STRAP: variants seen among roughly 807,000 people sequenced by gnomAD.
STRAP encodes the protein serine/threonine kinase receptor associated protein, also known as serine-threonine kinase receptor-associated protein.
A neutral mutation model predicts 47.0 loss-of-function variants in STRAP; 16 were observed. The observed-to-expected ratio is 0.34, with a 90% confidence interval of 0.23 to 0.52. The LOEUF is 0.52. Ranked by LOEUF, STRAP falls within the 20% of genes least tolerant of loss-of-function variation. STRAP has a pLI of 0.96. For missense variants in STRAP, 293 were observed against 420.0 expected (o/e 0.70, Z 2.64); for synonymous variants, 130 against 142.7 (o/e 0.91, Z 0.63).
At chr12:15,893,692 A>C (rs1338651589) in intron 4 of STRAP, among the ~76,000 whole-genome samples, 2 of 148,080 alleles carry the variant, frequency 1.4e-5, no homozygotes, top group South Asian at 4.2e-4. Context: ...TAATGCTTTT[A>C]TATTTATTAT....
At chr12:15,889,119 T>A (rs1037138416) in intron 2 of STRAP, among the ~76,000 whole-genome samples, 46 of 152,186 alleles carry the variant, frequency 3.0e-4, no homozygotes, top group African/African-American at 1.1e-3. Context: ...ATCAACTTTT[T>A]TTTCCCCCTT....
At chr12:15,900,528 A>T (rs937626304) in intron 8 of STRAP, among the ~76,000 whole-genome samples, 2 of 152,134 alleles carry the variant, frequency 1.3e-5, no homozygotes, top group Non-Finnish European at 2.9e-5. Flanking sequence ...CTCAAAAAAA[A>T]AAAAAAGAAA....
At chr12:15,898,086 A>C in intron 7 of STRAP, 68 bp downstream of exon 7, 71 of 1,321,440 alleles carry the variant, frequency 5.4e-5, no homozygotes, top group Non-Finnish European at 6.9e-5. Flanking sequence ...TTAACACCTC[A>C]TTTATATATA....
chr12:15,891,404 T>TA (rs1591985804), intron 4 of STRAP, among the ~76,000 whole-genome samples: 2 of 152,242 alleles, frequency 1.3e-5, no homozygotes, highest in Admixed American at 1.3e-4. Flanking sequence ...AATCTGCAGT[T>TA]ACAGTTTTTT....
chr12:15,887,123 A>T lies in STRAP; in HGVS notation c.249-2805A>T, dbSNP rs1343704587. On this transcript the variant is annotated intron_variant, in intron 2 of 9. Transcript: ENST00000419869. This position sits in a 1 kb window ranked among gnomAD's most constrained non-coding sequence, Gnocchi z 5.5. Reference sequence around the variant, plus strand: ...TTTAATAAGGTTCTTGATAAATCGAAAATGGTATTATCTCCTAGATGACTT... The same window carrying T: ...TTTAATAAGGTTCTTGATAAATCGATAATGGTATTATCTCCTAGATGACTT... Among the ~76,000 whole-genome samples the T allele has an allele frequency of 6.6e-6, 1 of 152,206 alleles. No individual in the cohort carries two copies. The highest frequency in any genetic ancestry group is 6.5e-5 in the Admixed American group (1 of 15,290).
At chr12:15,892,571 A>C (rs1025308775) in intron 4 of STRAP, among the ~76,000 whole-genome samples, 2 of 152,178 alleles carry the variant, frequency 1.3e-5, no homozygotes, top group Non-Finnish European at 2.9e-5. Context: ...ACCACATTGG[A>C]AATTAAGCGG....
Position 15,887,693 on chromosome 12 carries a change from A to G in STRAP, c.249-2235A>G, listed in dbSNP as rs1947983218. Among the ~76,000 whole-genome samples the G allele has an allele frequency of 6.6e-6, 1 of 152,198 alleles. No homozygotes were observed. Among genetic ancestry groups the G allele is most frequent in the African/African-American group, 2.4e-5 (1 of 41,450 alleles). ...CAACTCTCTTCTCACCTTTGAATAG[A>G]CACAGTCTAAGCAGAATCTTAAGAT... On this transcript the variant is annotated intron_variant, in intron 2 of 9. Transcript: ENST00000419869. The surrounding 1 kb of genome is among the most constrained non-coding windows in gnomAD (Gnocchi z 5.5).
chr12:15,891,421 A>G (rs559474324), intron 4 of STRAP, among the ~76,000 whole-genome samples: 18 of 152,318 alleles, frequency 1.2e-4, no homozygotes, highest in South Asian at 8.3e-4. Flanking sequence ...TTTTCATTTC[A>G]CTAAATAGTC....
Position 15,894,210 on chromosome 12 carries a change from A to G in STRAP, c.500+67A>G. The G allele has an allele frequency of 7.4e-7, 1 of 1,352,032 alleles. No individual in the cohort carries two copies. Among genetic ancestry groups the G allele is most frequent in the South Asian group, 1.2e-5 (1 of 84,458 alleles). The allele number at this position is 1,352,032 out of a possible 1,614,324, so 83.8% of individuals were successfully genotyped here. On this transcript the variant is annotated intron_variant, in intron 5 of 9. Transcript: ENST00000419869. The surrounding 1 kb of genome is among the most constrained non-coding windows in gnomAD (Gnocchi z 4.9). Reference sequence around the variant, plus strand: ...CATGGTGGCTCACGCCTATAATCTCAGCACTTTGGGAGGCGAGCCGGGTGG... The same window carrying G: ...CATGGTGGCTCACGCCTATAATCTCGGCACTTTGGGAGGCGAGCCGGGTGG...
intron 4 of STRAP, among the ~76,000 whole-genome samples, chr12:15,893,594 T>G (rs1186661017): frequency 6.8e-6 from 1 of 147,566 alleles, no homozygotes; most frequent in Non-Finnish European, 1.5e-5. Context: ...TTTTATATTA[T>G]ACAATAATAT....
chr12:15,887,055 CTCTT>C lies in STRAP; in HGVS notation c.249-2864_249-2861del, dbSNP rs138126547. 9.1e-3 allele frequency among the ~76,000 whole-genome samples: 1,393 copies of C among 152,276 alleles called. 20 individuals are homozygous for C. The highest frequency in any genetic ancestry group is 0.032 in the African/African-American group (1,330 of 41,544). On this transcript the variant is annotated intron_variant, in intron 2 of 9. Transcript: ENST00000419869. The surrounding 1 kb of genome is among the most constrained non-coding windows in gnomAD (Gnocchi z 5.5). ...ATTTATAGGTAATCACAATGTATCA[CTCTT>C]TCTTTCTTGTAAAGCCAATAGAAAT...
chr12:15,891,682 CCT>C (rs1368456493), intron 4 of STRAP, among the ~76,000 whole-genome samples: 1 of 152,196 alleles, frequency 6.6e-6, no homozygotes, highest in Non-Finnish European at 1.5e-5. Flanking sequence ...GTGGCTCACG[CCT>C]GTAATCCCAG....
chr12:15,885,195 T>G (rs1181836257), intron 2 of STRAP, among the ~76,000 whole-genome samples: 6 of 149,530 alleles, frequency 4.0e-5, no homozygotes, highest in African/African-American at 7.5e-5. Flanking sequence ...TTTTTTTTTT[T>G]TTTTTTTTTT....
At chr12:15,882,964 G>A in intron 1 of STRAP, 145 bp downstream of exon 1, 3 of 1,353,930 alleles carry the variant, frequency 2.2e-6, no homozygotes, top group Non-Finnish European at 2.0e-6. Flanking sequence ...ACACTGGTCC[G>A]GTGGAGAAAG....
At chr12:15,902,844 T>C in intron 9 of STRAP, 73 bp from the exon 10 acceptor site, 3 of 1,443,688 alleles carry the variant, frequency 2.1e-6, no homozygotes, top group South Asian at 2.9e-5. Flanking sequence ...TACACAGAAA[T>C]GTAGATTTGC....
At chr12:15,889,887 G>C (rs1948000522) in intron 2 of STRAP, 41 bp from the exon 3 acceptor site, 24 of 1,482,898 alleles carry the variant, frequency 1.6e-5, no homozygotes, top group Non-Finnish European at 2.3e-5. Context: ...TAATATATTG[G>C]GTAATATTTA....
chr12:15,886,759 C>G (rs1591983618), intron 2 of STRAP, among the ~76,000 whole-genome samples: 1 of 152,038 alleles, frequency 6.6e-6, no homozygotes, highest in African/African-American at 2.4e-5. Context: ...TTTTTTCCCT[C>G]CATTCTTACG....
At chr12:15,892,969 G>T (rs1948029244) in intron 4 of STRAP, among the ~76,000 whole-genome samples, 1 of 152,130 alleles carries the variant, frequency 6.6e-6, no homozygotes, top group African/African-American at 2.4e-5. Flanking sequence ...TGTGTATCGG[G>T]TATCTGTTAA....
At position 15,894,675 on chromosome 12, in the gene STRAP, G is replaced by A. The variant is rs1021656965; in HGVS notation, c.500+532G>A. ...TCTGAAATCTGAGACTTTGAGTGCC[G>A]ACTTGATGCTTAAAGGAAATGCTCA... On this transcript the variant is annotated intron_variant, in intron 5 of 9. Coordinates refer to ENST00000419869, the MANE Select transcript of STRAP (RefSeq NM_007178.4). This position sits in a 1 kb window ranked among gnomAD's most constrained non-coding sequence, Gnocchi z 4.9. Among the ~76,000 whole-genome samples, 3 of 152,100 alleles carry A rather than the reference G, an allele frequency of 2.0e-5. No individual in the cohort carries two copies. The highest frequency in any genetic ancestry group is 1.3e-4 in the Admixed American group (2 of 15,276).
Sources: gnomAD v4.1 joint callset for allele counts (sites outside exome capture counted in the v4.1 genomes callset) on GRCh38, gnomAD v4.1.1 for gene constraint, Gnocchi (gnomAD v3.1) non-coding constraint, MANE v1.5 for transcripts, NCBI Gene and HGNC (gene_info 2026-07-23, HGNC 2026-07-21) for gene names.